The following COMMD3 variants were observed in gnomAD, a reference collection of about 807,000 sequenced individuals.
The protein encoded by COMMD3 is COMM domain-containing protein 3.
Under a neutral mutation model 31.2 loss-of-function variants are expected in COMMD3, and 31 were observed. That is an observed-to-expected ratio of 0.99 (90% CI 0.75 to 1.34). COMMD3 has a LOEUF of 1.34. Among genes scored for constraint, COMMD3 ranks in the 40% most tolerant of loss-of-function variants. COMMD3 has a pLI of 0.00. For synonymous variants in COMMD3, 108 were observed against 87.3 expected (o/e 1.24, Z -1.32); for missense variants, 274 against 236.9 (o/e 1.16, Z -1.03).
intron 1 of COMMD3, chr10:22,316,767 G>A (rs1747997523): frequency 1.4e-6 from 1 of 719,626 alleles, no homozygotes; most frequent in Admixed American, 3.9e-5. Flanking sequence ...CACCTGCATA[G>A]AGCCAACTCC....
At position 22,320,024 on chromosome 10, in the gene COMMD3, A is replaced by T. The variant is rs1436108528; in HGVS notation, c.*26A>T. ...CTTGGGGAAGTTAACGATCCGCCCG[A>T]GTGCAGAGGAAAACCAGAAACGCCT... is the stretch of plus-strand genomic sequence containing the variant. On this transcript the variant is annotated 3_prime_UTR_variant, in exon 8 of 8. Transcript: ENST00000376836. The T allele has an allele frequency of 1.2e-6, 2 of 1,614,020 alleles. No individual in the cohort carries two copies.
chr10:22,316,911 A>C (rs1835861396), intron 1 of COMMD3: 1 of 168,034 alleles, frequency 6.0e-6, no homozygotes, highest in East Asian at 1.7e-4. Flanking sequence ...GTTGGACTTC[A>C]TCTGGGGAGC....
rs1456339548 is a variant in COMMD3, at chr10:22,318,980, C to A, written c.490C>A (p.Pro164Thr). The A allele has an allele frequency of 6.2e-7, 1 of 1,612,538 alleles. No homozygotes were observed. The highest frequency in any genetic ancestry group is 1.7e-5 in the Admixed American group (1 of 59,668). ...CTAGAACACTGATTCCCCATCCTAT[C>A]CAGAGATTAGTTTTAGTTGCAGCAT... ...SVQNTDSPSY[P>T]EISFSCSMEQ... Residue 164 changes from proline to threonine, a missense_variant, in exon 7 of 8, where the codon CCA (proline) becomes ACA (threonine). Coordinates refer to ENST00000376836, the MANE Select transcript of COMMD3 (RefSeq NM_012071.4).
Position 22,318,955 on chromosome 10 carries a change from C to T in COMMD3, c.469-4C>T, listed in dbSNP as rs751963040. The T allele has an allele frequency of 6.2e-7, 1 of 1,612,246 alleles. No homozygotes were observed. The highest frequency in any genetic ancestry group is 1.1e-5 in the South Asian group (1 of 90,788). ...CTTGTTGCGTGTTTTTTTTCCTGCCCTAGAACACTGATTCCCCATCCTATC... is the reference window on the plus strand; with the variant it reads ...CTTGTTGCGTGTTTTTTTTCCTGCCTTAGAACACTGATTCCCCATCCTATC... On this transcript the variant is annotated splice_region_variant and splice_polypyrimidine_tract_variant and intron_variant, in intron 6 of 7. Coordinates refer to ENST00000376836, the MANE Select transcript of COMMD3 (RefSeq NM_012071.4).
intron 1 of COMMD3, 52 bp from the exon 2 acceptor site, chr10:22,317,832 G>T: frequency 1.3e-6 from 2 of 1,587,084 alleles, no homozygotes; most frequent in South Asian, 2.3e-5. Flanking sequence ...TTTGGAACAT[G>T]ACTGTAAAGA....
intron 7 of COMMD3, chr10:22,319,275 G>A (rs575554677): frequency 2.8e-6 from 1 of 351,048 alleles, no homozygotes; most frequent in African/African-American, 2.1e-5. Context: ...GTAGTGTTTA[G>A]TGTAAATTTC....
chr10:22,319,276 T>C, intron 7 of COMMD3: 1 of 348,950 alleles, frequency 2.9e-6, no homozygotes, highest in Non-Finnish European at 5.1e-6. Flanking sequence ...TAGTGTTTAG[T>C]GTAAATTTCT....
Position 22,318,997 on chromosome 10 carries a change from T to G in COMMD3, c.507T>G (p.Ser169Arg). The G allele has an allele frequency of 1.2e-6, 2 of 1,611,836 alleles. No individual in the cohort carries two copies. The change falls in exon 7 of 8, where the codon AGT becomes AGG. Residue 169 changes from serine (S) to arginine (R), a missense_variant. Transcript: ENST00000376836. ...DSPSYPEISFSCSMEQLQDLV... is the reference protein window; with the variant it reads ...DSPSYPEISFRCSMEQLQDLV... ...CATCCTATCCAGAGATTAGTTTTAG[T>G]TGCAGCATGGAACAATTACAGGTAC...
In COMMD3 at chr10:22,316,388, G is replaced by A. The variant is rs767203858; in HGVS notation, c.-30G>A. The A allele has an allele frequency of 7.0e-7, 1 of 1,430,788 alleles. No homozygotes were observed. Among genetic ancestry groups the A allele is most frequent in the Non-Finnish European group, 9.3e-7 (1 of 1,076,228 alleles). 88.6% of individuals were successfully genotyped at this position (1,430,788 alleles called of 1,614,324 possible). On this transcript the variant is annotated 5_prime_UTR_variant, in exon 1 of 8. In the 5' UTR this introduces an upstream ATG that the reference lacks. Transcript: ENST00000376836. ...GAGCGCGCGGCGCGTGTCACGTGGTGTGCGTGTCGAAGGTCACGGCGCGCT... is the reference window on the plus strand; with the variant it reads ...GAGCGCGCGGCGCGTGTCACGTGGTATGCGTGTCGAAGGTCACGGCGCGCT...
In COMMD3 at chr10:22,317,937, G is replaced by T; in HGVS notation, c.193G>T (p.Ala65Ser). ...DPVVLKHCHA[A>S]AATYILEAGK... ...AGTGGTTTTAAAACATTGTCATGCA[G>T]CAGCTGCAACTTACATACTAGAGGC... The change falls in exon 2 of 8, where the codon GCA (alanine) becomes TCA (serine). Residue 65 changes from alanine (A) to serine (S), a missense_variant. By Grantham distance (99) the Ala-to-Ser change is moderately conservative. Transcript: ENST00000376836. 1 of 1,613,988 alleles carries T rather than the reference G, an allele frequency of 6.2e-7. No individual in the cohort carries two copies. The highest frequency in any genetic ancestry group is 8.5e-7 in the Non-Finnish European group (1 of 1,179,938).
rs1041385737 is a variant in COMMD3, at chr10:22,316,550, G to A, written c.133G>A (p.Val45Met). 2.6e-6 allele frequency: 4 copies of A among 1,547,982 alleles called. No individual in the cohort carries two copies. The highest frequency in any genetic ancestry group is 3.5e-6 in the Non-Finnish European group (4 of 1,145,238). ...GCTGGACGCCCAGGCGGACGAGGCC[G>A]TGTTAGGTAAGCCGCTCGGCTCGGC... Reference protein sequence around the residue: ...SLLDAQADEAVLDHPDLKHID... With the variant: ...SLLDAQADEAMLDHPDLKHID... Residue 45 changes from valine (V) to methionine (M), a missense_variant, in exon 1 of 8, where the codon GTG becomes ATG. Physicochemically the swap from Val to Met is conservative, Grantham distance 21. Transcript: ENST00000376836.
rs1835884223 is a variant in COMMD3, at chr10:22,317,976, G to A, written c.232G>A (p.Ala78Thr). 1.2e-6 allele frequency: 2 copies of A among 1,613,810 alleles called. No individual in the cohort carries two copies. The highest frequency in any genetic ancestry group is 1.6e-4 in the Middle Eastern group (1 of 6,082). ...CATACTAGAGGCAGGAAAGCACCGAGCTGACAAGTCAACTCTAAGGTACAG... is the reference window on the plus strand; with the variant it reads ...CATACTAGAGGCAGGAAAGCACCGAACTGACAAGTCAACTCTAAGGTACAG... ...TYILEAGKHRADKSTLSTYLE... is the reference protein window; with the variant it reads ...TYILEAGKHRTDKSTLSTYLE... Residue 78 changes from alanine (A) to threonine (T), a missense_variant, in exon 2 of 8, where the codon GCT (alanine) becomes ACT (threonine). Ala to Thr is a moderately conservative substitution (Grantham distance 58). Transcript: ENST00000376836.
Position 22,320,135 on chromosome 10 carries a change from A to T in COMMD3, c.*137A>T, listed in dbSNP as rs1354682585. On this transcript the variant is annotated 3_prime_UTR_variant, in exon 8 of 8. Transcript: ENST00000376836. ...TCCTTTTGAATTTATACCATTCATC[A>T]ATTTTGACACTTTAAAAACGTGTGA... 6.4e-7 allele frequency: 1 copy of T among 1,556,624 alleles called. No individual in the cohort carries two copies. The highest frequency in any genetic ancestry group is 1.4e-5 in the African/African-American group (1 of 73,386).
Position 22,318,672 on chromosome 10 carries a change from CAT to C in COMMD3, c.374_375del (p.Ile125AsnfsTer18), listed in dbSNP as rs768430169. 7 of 1,613,088 alleles carry C rather than the reference CAT, an allele frequency of 4.3e-6. No individual in the cohort carries two copies. The highest frequency in any genetic ancestry group is 4.2e-6 in the Non-Finnish European group (5 of 1,179,230). On this transcript the variant is annotated frameshift_variant, in exon 5 of 8. Transcript: ENST00000376836. LOFTEE classifies it high-confidence loss of function. The part of the protein sequence containing the change: ...LLGSIGRSLP[H>X]ITDVSWRLEY... Reference sequence around the variant, plus strand: ...TTTCAGTATAGGCAGATCTCTCCCTCATATAACGGATGTTTCTTGGCGCTTGG... The same window carrying C: ...TTTCAGTATAGGCAGATCTCTCCCTCATAACGGATGTTTCTTGGCGCTTGG...
In COMMD3 at chr10:22,319,941, C is replaced by T. The variant is rs377084138; in HGVS notation, c.531C>T (p.Asp177=). ...SFSCSMEQLQ[D]LVGKLKDASK... ...GGTATTGTATACACGTCTTTTAGGA[C>T]TTGGTGGGGAAACTTAAAGATGCTT... The change falls in exon 8 of 8, where the codon GAC becomes GAT. Residue 177 remains aspartate, a splice_region_variant and synonymous_variant. Coordinates refer to ENST00000376836, the MANE Select transcript of COMMD3 (RefSeq NM_012071.4). 6.2e-7 allele frequency: 1 copy of T among 1,613,802 alleles called. No individual in the cohort carries two copies. The highest frequency in any genetic ancestry group is 1.3e-5 in the African/African-American group (1 of 74,844).
chr10:22,316,760 C>T (rs1835857938), intron 1 of COMMD3: 1 of 789,266 alleles, frequency 1.3e-6, no homozygotes, highest in Non-Finnish European at 1.8e-6. Context: ...CACTTGGCAC[C>T]TGCATAGAGC....
chr10:22,319,998 A>G lies in COMMD3; in HGVS notation c.588A>G (p.Ter196=), dbSNP rs774917326. 7.4e-6 allele frequency: 12 copies of G among 1,614,026 alleles called. No individual in the cohort carries two copies. Among genetic ancestry groups the G allele is most frequent in the Non-Finnish European group, 9.3e-6 (11 of 1,179,996 alleles). The change falls in exon 8 of 8, where the codon TAA becomes TAG. Residue 196 remains the stop codon, a stop_retained_variant. Transcript: ENST00000376836. ...SKSLERATQL[*] ...GCCTGGAAAGAGCAACTCAGTTGTAACTTGGGGAAGTTAACGATCCGCCCG... is the reference window on the plus strand; with the variant it reads ...GCCTGGAAAGAGCAACTCAGTTGTAGCTTGGGGAAGTTAACGATCCGCCCG...
Position 22,316,465 on chromosome 10 carries a change from TCC to T in COMMD3, c.51_52del (p.Arg18LeufsTer61), listed in dbSNP as rs1564345410. The T allele has an allele frequency of 6.4e-7, 1 of 1,550,506 alleles. No homozygotes were observed. Among genetic ancestry groups the T allele is most frequent in the Non-Finnish European group, 8.7e-7 (1 of 1,146,722 alleles). ...VQKGFQMLAD[P>X]RSFDSNAFTL... ...AGAAAGGCTTCCAGATGCTGGCGGA[TCC>T]CCGCTCCTTCGACTCCAACGCCTTC... On this transcript the variant is annotated frameshift_variant, in exon 1 of 8. Coordinates refer to ENST00000376836, the MANE Select transcript of COMMD3 (RefSeq NM_012071.4). LOFTEE classifies it high-confidence loss of function.
At chr10:22,316,778 A>C in intron 1 of COMMD3, 1 of 609,748 alleles carries the variant, frequency 1.6e-6, no homozygotes, top group Non-Finnish European at 2.4e-6. Flanking sequence ...AGCCAACTCC[A>C]CGTTCCTGGC....
Sources: allele counts gnomAD v4.1 joint callset, GRCh38; gene constraint gnomAD v4.1.1; transcripts MANE v1.5; gene names NCBI Gene and HGNC (gene_info 2026-07-23, HGNC 2026-07-21).